The following CNTNAP3 variants were observed in gnomAD, a reference collection of about 807,000 sequenced individuals.
The protein encoded by CNTNAP3 is contactin associated protein family member 3.
A neutral mutation model predicts 92.1 loss-of-function variants in CNTNAP3; 36 were observed. That is an observed-to-expected ratio of 0.39 (90% CI 0.30 to 0.52). CNTNAP3 has a LOEUF of 0.52. Ranked by LOEUF, CNTNAP3 falls within the 20% of genes least tolerant of loss-of-function variation. The pLI is 0.76. For missense variants in CNTNAP3, 534 were observed against 1,069.6 expected (o/e 0.50, Z 6.98); for synonymous variants, 232 against 422.3 (o/e 0.55, Z 5.53).
chr9:39,105,322 G>C (rs1587709625), intron 15 of CNTNAP3, among the ~76,000 whole-genome samples: 2 of 152,274 alleles, frequency 1.3e-5, no homozygotes, highest in South Asian at 2.1e-4. Flanking sequence ...AGCTACTCGG[G>C]AGGCTGAGGC....
At chr9:39,077,242 A>G (rs1255630866) in intron 23 of CNTNAP3, among the ~76,000 whole-genome samples, 2 of 152,182 alleles carry the variant, frequency 1.3e-5, no homozygotes, top group Admixed American at 6.5e-5. Context: ...TATACACTTT[A>G]AAATAACAAC....
In CNTNAP3 at chr9:39,066,686, A is replaced by G. The variant is rs1825516206; in HGVS notation, c.*7204T>C. 6.6e-6 allele frequency among the ~76,000 whole-genome samples: 1 copy of G among 152,428 alleles called. No individual in the cohort carries two copies. Among genetic ancestry groups the G allele is most frequent in the East Asian group, 1.9e-4 (1 of 5,194 alleles). On this transcript the variant is annotated 3_prime_UTR_variant, in exon 24 of 24. Transcript: ENST00000297668. ...TGGAAGATGTTTCACTGGAAGCATGAAAGATGTTGCTCCACTGCCCTTCCC... is the reference window on the plus strand; with the variant it reads ...TGGAAGATGTTTCACTGGAAGCATGGAAGATGTTGCTCCACTGCCCTTCCC...
intron 10 of CNTNAP3, among the ~76,000 whole-genome samples, chr9:39,147,191 C>T (rs551224116): frequency 5.9e-4 from 89 of 152,110 alleles, no homozygotes; most frequent in Admixed American, 1.4e-3. Context: ...TCCATTAAGC[C>T]TTTTTTCTTT....
intron 21 of CNTNAP3, among the ~76,000 whole-genome samples, chr9:39,083,693 C>T (rs1165142737): frequency 2.0e-5 from 3 of 152,158 alleles, no homozygotes; most frequent in Non-Finnish European, 4.4e-5. Flanking sequence ...TGTACACACA[C>T]AAAGCAAAAC....
intron 13 of CNTNAP3, among the ~76,000 whole-genome samples, chr9:39,120,993 T>C (rs1821006440): frequency 6.6e-6 from 1 of 152,144 alleles, no homozygotes; most frequent in Admixed American, 6.5e-5. Flanking sequence ...TATTTCATTA[T>C]GAGAGTGAAG....
At position 39,106,806 on chromosome 9, in the gene CNTNAP3, AT is replaced by A. The variant is rs539410667; in HGVS notation, c.2365+2353del. Among the ~76,000 whole-genome samples, 647 of 152,112 alleles carry A rather than the reference AT, an allele frequency of 4.3e-3. 3 individuals are homozygous for A. The highest frequency in any genetic ancestry group is 0.015 in the African/African-American group (613 of 41,490). ...CAATAGGCAGGGGAAAAAGCTACAAATTTCCAGGGGTTATTACTGAACTGTG... is the reference window on the plus strand; with the variant it reads ...CAATAGGCAGGGGAAAAAGCTACAAATTCCAGGGGTTATTACTGAACTGTG... On this transcript the variant is annotated intron_variant, in intron 15 of 23. Coordinates refer to ENST00000297668, the MANE Select transcript of CNTNAP3 (RefSeq NM_033655.5).
At chr9:39,102,343 C>A (rs577532147) in intron 17 of CNTNAP3, among the ~76,000 whole-genome samples, 154 bp downstream of exon 17, 1 of 152,426 alleles carries the variant, frequency 6.6e-6, no homozygotes, top group East Asian at 1.9e-4. Context: ...AAGCACACAG[C>A]AAGCTCCTGG....
intron 13 of CNTNAP3, among the ~76,000 whole-genome samples, chr9:39,131,510 G>C (rs1821292892): frequency 6.6e-6 from 1 of 151,488 alleles, no homozygotes; most frequent in Non-Finnish European, 1.5e-5. Context: ...GACTGCACAG[G>C]TCTAGCACAG....
intron 10 of CNTNAP3, among the ~76,000 whole-genome samples, chr9:39,149,347 TTTG>T (rs376214057): frequency 7.0e-4 from 96 of 137,682 alleles, no homozygotes; most frequent in African/African-American, 2.8e-3. Context: ...AGATGCAGTT[TTTG>T]TTTTTGTTTT....
chr9:39,075,805 C>G (rs1366102573), intron 23 of CNTNAP3, among the ~76,000 whole-genome samples: 2 of 152,418 alleles, frequency 1.3e-5, no homozygotes, highest in African/African-American at 4.8e-5. Flanking sequence ...TTGAGTTTCA[C>G]TGAGGTTTCT....
chr9:39,104,810 T>A (rs1315257709), intron 15 of CNTNAP3, among the ~76,000 whole-genome samples: 2 of 152,192 alleles, frequency 1.3e-5, no homozygotes, highest in Non-Finnish European at 2.9e-5. Flanking sequence ...GAAGGGCTGC[T>A]GTGTTCTCCT....
intron 23 of CNTNAP3, among the ~76,000 whole-genome samples, chr9:39,077,962 T>C (rs1202810396): frequency 1.3e-5 from 2 of 152,064 alleles, no homozygotes; most frequent in African/African-American, 4.8e-5. Flanking sequence ...TCTCAGCACT[T>C]TGGGAGGCTG....
chr9:39,157,450 T>C (rs2315728), intron 9 of CNTNAP3, among the ~76,000 whole-genome samples: 1 of 98,268 alleles, frequency 1.0e-5, no homozygotes, highest in African/African-American at 3.5e-5. Flanking sequence ...TGCCATTCTC[T>C]TGCCTCAGCC....
At chr9:39,107,849 C>G (rs1181661406) in intron 15 of CNTNAP3, among the ~76,000 whole-genome samples, 1 of 152,120 alleles carries the variant, frequency 6.6e-6, no homozygotes, top group Non-Finnish European at 1.5e-5. Flanking sequence ...TAAAAGAGAA[C>G]AGAATATTTC....
intron 16 of CNTNAP3, 135 bp from the exon 17 acceptor site, chr9:39,102,850 G>A (rs1279514801): frequency 1.3e-5 from 16 of 1,262,250 alleles, no homozygotes; most frequent in African/African-American, 4.6e-5. Context: ...GGGACTGTGA[G>A]TTGGGGTGGG....
At chr9:39,122,399 G>A (rs1284431024) in intron 13 of CNTNAP3, among the ~76,000 whole-genome samples, 1 of 151,634 alleles carries the variant, frequency 6.6e-6, no homozygotes, top group African/African-American at 2.4e-5. Context: ...ATGAGTATAC[G>A]ATGCTTCTCC....
At chr9:39,140,695 G>A in intron 11 of CNTNAP3, 57 bp from the exon 12 acceptor site, 3 of 1,522,090 alleles carry the variant, frequency 2.0e-6, no homozygotes, top group Non-Finnish European at 2.6e-6. Flanking sequence ...TGTTGAGTCA[G>A]TGTCCAAAGG....
chr9:39,088,787 T>C, intron 18 of CNTNAP3, 140 bp from the exon 19 acceptor site: 2 of 932,320 alleles, frequency 2.1e-6, no homozygotes, highest in Non-Finnish European at 3.2e-6. Context: ...TGTTTTTTTA[T>C]TTTTCACTTT....
chr9:39,144,405 C>T (rs1587730769), intron 10 of CNTNAP3, 59 bp from the exon 11 acceptor site: 1 of 1,511,056 alleles, frequency 6.6e-7, no homozygotes, highest in East Asian at 2.5e-5. Context: ...AAATAAGTGT[C>T]TTACCAAAAA....
Sources: gnomAD v4.1 joint callset for allele counts (sites outside exome capture counted in the v4.1 genomes callset) on GRCh38, gnomAD v4.1.1 for gene constraint, MANE v1.5 for transcripts, NCBI Gene and HGNC (gene_info 2026-07-23, HGNC 2026-07-21) for gene names.